Variants in COL26A1 observed in about 807,000 individuals in gnomAD.
COL26A1 encodes collagen alpha-1(XXVI) chain.
In COL26A1, 41 loss-of-function variants were observed where a neutral mutation model predicts 59.3. The observed-to-expected ratio is 0.69, with a 90% CI of 0.54 to 0.90. The LOEUF (loss-of-function observed/expected upper bound fraction) is 0.90, where lower values mean the gene tolerates loss of function less well. Ranked by LOEUF, COL26A1 falls within the 40% of genes least tolerant of loss-of-function variation. COL26A1 has a pLI of 0.00. For missense variants in COL26A1, 612 were observed against 602.3 expected (o/e 1.02, Z -0.17); for synonymous variants, 266 against 256.0 (o/e 1.04, Z -0.37).
intron 1 of COL26A1, among the ~76,000 whole-genome samples, chr7:101,379,974 A>G (rs1011814676): frequency 1.3e-5 from 2 of 152,128 alleles, no homozygotes; most frequent in Admixed American, 1.3e-4. Context: ...GCCATTCTCT[A>G]TTCCTTTACT....
rs142998634 is a variant in COL26A1, at chr7:101,516,066, G to A, written c.386-17016G>A. 2.7e-3 allele frequency among the ~76,000 whole-genome samples: 413 copies of A among 152,342 alleles called. 3 individuals are homozygous for A. Among genetic ancestry groups the A allele is most frequent in the African/African-American group, 9.0e-3 (376 of 41,580 alleles). The stretch of plus-strand genomic sequence containing the variant: ...TAAATAACTGAGGGGGAAGTAAGGA[G>A]TTGCTGCCCTGGGAGGGTGAACCTG... On this transcript the variant is annotated intron_variant, in intron 3 of 12. Coordinates refer to ENST00000313669, the MANE Select transcript of COL26A1 (RefSeq NM_001278563.3).
In COL26A1 at chr7:101,557,750, C is replaced by T. The variant is rs989222295; in HGVS notation, c.*220C>T. On this transcript the variant is annotated 3_prime_UTR_variant, in exon 13 of 13. Coordinates refer to ENST00000313669, the MANE Select transcript of COL26A1 (RefSeq NM_001278563.3). ...CTCCTCTGGCCTGTCCCCTCCCCTA[C>T]CCCCACTCCCGGCTGGAGACGGGGT... is the stretch of plus-strand genomic sequence containing the variant. The T allele has an allele frequency of 1.1e-5, 5 of 473,378 alleles. No homozygotes were observed. Among genetic ancestry groups the T allele is most frequent in the Non-Finnish European group, 1.9e-5 (5 of 269,700 alleles). 29.3% of individuals were successfully genotyped at this position (473,378 alleles called of 1,614,324 possible). A position where few individuals can be genotyped will look rare whatever the true frequency, so the allele number is the denominator to read the frequency against.
intron 3 of COL26A1, among the ~76,000 whole-genome samples, chr7:101,493,087 T>G (rs905368077): frequency 2.0e-5 from 3 of 152,142 alleles, no homozygotes; most frequent in Non-Finnish European, 1.5e-5. Flanking sequence ...CAGAGGAGAA[T>G]AAGAATGGGG....
At chr7:101,380,441 C>T (rs1247045694) in intron 1 of COL26A1, among the ~76,000 whole-genome samples, 6 of 151,950 alleles carry the variant, frequency 3.9e-5, no homozygotes, top group Non-Finnish European at 7.4e-5. Flanking sequence ...ACTACAGGCA[C>T]GCACTACCAC....
intron 1 of COL26A1, among the ~76,000 whole-genome samples, chr7:101,419,026 TCCTC>T (rs1792444219): frequency 6.8e-6 from 1 of 147,856 alleles, no homozygotes; most frequent in Non-Finnish European, 1.5e-5. Context: ...CTCTTTCCCT[TCCTC>T]CCTCCCTCCC....
chr7:101,424,715 C>T (rs1447364699), intron 2 of COL26A1, among the ~76,000 whole-genome samples: 1 of 152,184 alleles, frequency 6.6e-6, no homozygotes, highest in Non-Finnish European at 1.5e-5. Flanking sequence ...CTTGGGGCTG[C>T]TGTCTGGGCA....
At chr7:101,479,041 C>T (rs1794105163) in intron 3 of COL26A1, among the ~76,000 whole-genome samples, 1 of 152,188 alleles carries the variant, frequency 6.6e-6, no homozygotes. Flanking sequence ...TCTGCTTTTT[C>T]ACAATTACAA....
At chr7:101,484,244 T>A (rs1041993572) in intron 3 of COL26A1, among the ~76,000 whole-genome samples, 2 of 152,168 alleles carry the variant, frequency 1.3e-5, no homozygotes, top group Admixed American at 1.3e-4. Flanking sequence ...TGCTGTGAGG[T>A]AGCTTTGCTG....
intron 1 of COL26A1, among the ~76,000 whole-genome samples, chr7:101,387,684 G>T: frequency 7.3e-6 from 1 of 137,566 alleles, no homozygotes; most frequent in African/African-American, 2.8e-5. Context: ...TATATAAAGA[G>T]AGAGATTTTA....
At chr7:101,403,496 G>A (rs571932408) in intron 1 of COL26A1, among the ~76,000 whole-genome samples, 1 of 152,124 alleles carries the variant, frequency 6.6e-6, no homozygotes, top group Admixed American at 6.6e-5. Context: ...TCCAGCCTGG[G>A]AGACAGAGTG....
intron 3 of COL26A1, among the ~76,000 whole-genome samples, chr7:101,487,255 T>C (rs569273309): frequency 6.6e-6 from 1 of 152,026 alleles, no homozygotes; most frequent in South Asian, 2.1e-4. Context: ...CAGGGTGTTG[T>C]GAGCCAGAGA....
At chr7:101,388,632 C>G (rs1441967168) in intron 1 of COL26A1, among the ~76,000 whole-genome samples, 1 of 151,296 alleles carries the variant, frequency 6.6e-6, no homozygotes. Flanking sequence ...GGCACGATCT[C>G]AGTTCACTGC....
At chr7:101,436,236 T>G (rs1340756929) in intron 2 of COL26A1, among the ~76,000 whole-genome samples, 1 of 152,124 alleles carries the variant, frequency 6.6e-6, no homozygotes, top group Non-Finnish European at 1.5e-5. Context: ...TAGCTTGGAT[T>G]CTGGGGAGGC....
At chr7:101,476,899 A>C (rs1208511311) in intron 3 of COL26A1, among the ~76,000 whole-genome samples, 1 of 148,792 alleles carries the variant, frequency 6.7e-6, no homozygotes, top group African/African-American at 2.5e-5. Context: ...GCTGAAGTGC[A>C]CTGGCACGAT....
At chr7:101,525,964 G>A (rs935165701) in intron 3 of COL26A1, among the ~76,000 whole-genome samples, 2 of 152,206 alleles carry the variant, frequency 1.3e-5, no homozygotes, top group African/African-American at 4.8e-5. Flanking sequence ...CTTGGGGACA[G>A]CCACAGTGGG....
chr7:101,499,088 C>A (rs1452207422), intron 3 of COL26A1, among the ~76,000 whole-genome samples: 3 of 152,192 alleles, frequency 2.0e-5, no homozygotes, highest in Non-Finnish European at 4.4e-5. Flanking sequence ...ATAGCCCATC[C>A]CGGGAAGGTC....
At chr7:101,511,765 G>A (rs1343575846) in intron 3 of COL26A1, among the ~76,000 whole-genome samples, 1 of 152,182 alleles carries the variant, frequency 6.6e-6, no homozygotes, top group East Asian at 1.9e-4. Flanking sequence ...ACTGTAGGTG[G>A]GAGGATTGCA....
rs374170228 is a variant in COL26A1 at position 101,396,955 on chromosome 7, G to T, written c.159-23022G>T. On this transcript the variant is annotated intron_variant, in intron 1 of 12. Transcript: ENST00000313669. ...GTGCTCCTTCAGCAGCCCAGGCCTG[G>T]GGTGACGCTGGGTAGATGGGGCTGT... Among the ~76,000 whole-genome samples, 226 of 152,300 alleles carry T rather than the reference G, an allele frequency of 1.5e-3. 1 individual carries two copies. Among genetic ancestry groups the T allele is most frequent in the African/African-American group, 5.2e-3 (216 of 41,568 alleles).
chr7:101,420,675 T>TACCAGCCACGCCCCTC (rs1792493877), intron 2 of COL26A1, among the ~76,000 whole-genome samples: 1 of 21,342 alleles, frequency 4.7e-5, no homozygotes, highest in Non-Finnish European at 9.8e-5. Flanking sequence ...GCTCTGCCCC[T>TACCAGCCACGCCCCTC]ACCAGCCACG....
Sources: gnomAD v4.1 joint callset for allele counts (sites outside exome capture counted in the v4.1 genomes callset) on GRCh38, gnomAD v4.1.1 for gene constraint, MANE v1.5 for transcripts, NCBI Gene and HGNC (gene_info 2026-07-23, HGNC 2026-07-21) for gene names.